Variants in ZNF469 observed in about 807,000 individuals in gnomAD.
The protein encoded by ZNF469 is zinc finger protein 469.
A neutral mutation model predicts 1.0 loss-of-function variants in ZNF469; 1 was observed. The observed-to-expected ratio is 1.00, with a 90% CI of 0.35 to 4.73. The LOEUF is 4.73. Ranked by LOEUF, ZNF469 falls within the 30% of genes most tolerant of loss-of-function variation. The probability of loss-of-function intolerance (pLI) is 0.16; values close to 1 mark genes in which losing one functional copy is unlikely to be tolerated. For synonymous variants in ZNF469, 2,703 were observed against 2,363.4 expected (o/e 1.14, Z -4.17); for missense variants, 6,100 against 5,356.3 (o/e 1.14, Z -4.33).
the ZNF469 span, among the ~76,000 whole-genome samples, chr16:88,183,385 T>A: frequency 9.9e-5 from 15 of 152,218 alleles, no homozygotes; most frequent in Admixed American, 6.5e-5. Context: ...ACAGCCCACA[T>A]GCCCATCCAC....
chr16:88,406,449 CG>C (rs1905031844), intron 1 of ZNF469, among the ~76,000 whole-genome samples: 1 of 152,232 alleles, frequency 6.6e-6, no homozygotes, highest in Non-Finnish European at 1.5e-5. Flanking sequence ...TCCTCCCTGC[CG>C]TGCGGGCTGC....
At chr16:88,417,708 G>C (rs549309885) in intron 1 of ZNF469, among the ~76,000 whole-genome samples, 1 of 152,288 alleles carries the variant, frequency 6.6e-6, no homozygotes, top group South Asian at 2.1e-4. Flanking sequence ...ACATTTAGAG[G>C]GTAGGCTGTG....
the ZNF469 span, among the ~76,000 whole-genome samples, chr16:88,256,900 T>TTCTCTCTCTCTCTCTCTCTC: frequency 5.5e-5 from 1 of 18,162 alleles, no homozygotes; most frequent in African/African-American, 1.8e-4. Flanking sequence ...CTTTCCTTCT[T>TTCTCTCTCTCTCTCTCTCTC]TCTTTCTTTC....
chr16:88,226,565 C>G, the ZNF469 span, among the ~76,000 whole-genome samples: 52 of 152,256 alleles, frequency 3.4e-4, no homozygotes, highest in African/African-American at 1.2e-3. Flanking sequence ...TTGCAGCACC[C>G]TAGTCTGTGG....
At chr16:88,418,003 G>A (rs1905350523) in intron 1 of ZNF469, among the ~76,000 whole-genome samples, 1 of 152,150 alleles carries the variant, frequency 6.6e-6, no homozygotes. Flanking sequence ...CCACCCTGCA[G>A]CCCACCCGAA....
In ZNF469 at chr16:88,435,852, G is replaced by GC; in HGVS notation, c.8388dup (p.Leu2800ProfsTer36). ...AGGAAGGTGTCTGGGAGGAGAACAC[G>GC]CCCCCCTTGGGCCCCCTGGGTTTTC... On this transcript the variant is annotated frameshift_variant, in exon 3 of 3. Coordinates refer to ENST00000565624, the MANE Select transcript of ZNF469 (RefSeq NM_001367624.2). LOFTEE classifies it low-confidence loss of function (END_TRUNC). The GC allele has an allele frequency of 3.2e-6, 5 of 1,550,326 alleles. No homozygotes were observed. The highest frequency in any genetic ancestry group is 3.5e-6 in the Non-Finnish European group (4 of 1,146,950).
At chr16:88,181,602 T>A in the ZNF469 span, among the ~76,000 whole-genome samples, 6 of 152,076 alleles carry the variant, frequency 3.9e-5, no homozygotes, top group Non-Finnish European at 7.4e-5. Flanking sequence ...AGAAAAAAAA[T>A]TAATTGAGCA....
At chr16:88,314,598 A>C in the ZNF469 span, among the ~76,000 whole-genome samples, 1 of 149,254 alleles carries the variant, frequency 6.7e-6, no homozygotes, top group Non-Finnish European at 1.5e-5. Context: ...GTGGACTGTC[A>C]TCTCTGTGAT....
At chr16:88,246,623 C>T in the ZNF469 span, among the ~76,000 whole-genome samples, 4 of 152,328 alleles carry the variant, frequency 2.6e-5, no homozygotes, top group Non-Finnish European at 4.4e-5. Flanking sequence ...AAGTGAAGCC[C>T]AGGAATTTAC....
the ZNF469 span, among the ~76,000 whole-genome samples, chr16:88,343,129 A>G: frequency 6.6e-6 from 1 of 152,122 alleles, no homozygotes; most frequent in African/African-American, 2.4e-5. Context: ...GGGGACTGAG[A>G]AGCACAGGCA....
the ZNF469 span, among the ~76,000 whole-genome samples, chr16:88,252,232 T>G: frequency 7.1e-6 from 1 of 140,796 alleles, no homozygotes; most frequent in Non-Finnish European, 1.6e-5. Context: ...TGGGACTCCC[T>G]CTGCATATGC....
At position 88,436,197 on chromosome 16, in the gene ZNF469, C is replaced by G. The variant is rs1315796790; in HGVS notation, c.8727C>G (p.Pro2909=). ...GDPTLGPARL[P]TDLSDSSSLC... ...CCACGCTGGGCCCAGCCCGCCTGCC[C>G]ACGGACCTCAGCGACTCCAGCTCCC... Residue 2909 remains proline, a synonymous_variant, in exon 3 of 3, where the codon CCC becomes CCG. Coordinates refer to ENST00000565624, the MANE Select transcript of ZNF469 (RefSeq NM_001367624.2). The G allele has an allele frequency of 6.5e-7, 1 of 1,548,194 alleles. No individual in the cohort carries two copies. Among genetic ancestry groups the G allele is most frequent in the Non-Finnish European group, 8.7e-7 (1 of 1,146,876 alleles).
the ZNF469 span, among the ~76,000 whole-genome samples, chr16:88,279,231 G>GTGC: frequency 6.7e-5 from 9 of 135,074 alleles, no homozygotes; most frequent in Non-Finnish European, 1.0e-4. Context: ...AGATATCACT[G>GTGC]CACGGTTAGT....
At chr16:88,135,514 G>A in the ZNF469 span, among the ~76,000 whole-genome samples, 3 of 152,168 alleles carry the variant, frequency 2.0e-5, no homozygotes, top group East Asian at 5.8e-4. Flanking sequence ...GTGCCTGAGG[G>A]GTGAAAACTT....
At chr16:88,355,098 G>A in the ZNF469 span, among the ~76,000 whole-genome samples, 1 of 152,132 alleles carries the variant, frequency 6.6e-6, no homozygotes, top group Non-Finnish European at 1.5e-5. Flanking sequence ...TGGGCAGGGG[G>A]CGCAGAACAC....
At chr16:88,102,823 C>T in the ZNF469 span, among the ~76,000 whole-genome samples, 2 of 152,238 alleles carry the variant, frequency 1.3e-5, no homozygotes, top group African/African-American at 2.4e-5. Context: ...GCCGCCTCCC[C>T]GCCTCCATCC....
the ZNF469 span, among the ~76,000 whole-genome samples, chr16:88,369,681 T>C: frequency 6.6e-6 from 1 of 152,218 alleles, no homozygotes; most frequent in East Asian, 1.9e-4. Context: ...GGGGCGACAC[T>C]GTCCCCACTG....
chr16:88,228,922 A>C, the ZNF469 span, among the ~76,000 whole-genome samples: 1 of 152,194 alleles, frequency 6.6e-6, no homozygotes, highest in Non-Finnish European at 1.5e-5. Context: ...GCTCAGCAGC[A>C]GCATCGGGCA....
chr16:88,200,360 C>G, the ZNF469 span, among the ~76,000 whole-genome samples: 2 of 152,232 alleles, frequency 1.3e-5, no homozygotes, highest in Non-Finnish European at 2.9e-5. Flanking sequence ...AGCCTCAGAG[C>G]TGGAAGGAGC....
Sources: allele counts gnomAD v4.1 joint callset (sites outside exome capture counted in the v4.1 genomes callset), GRCh38; gene constraint gnomAD v4.1.1; transcripts MANE v1.5; gene names NCBI Gene and HGNC (gene_info 2026-07-23, HGNC 2026-07-21).